The following A2M variants were observed in gnomAD, a reference collection of about 807,000 sequenced individuals.
A2M encodes the protein alpha-2-macroglobulin, also known as C3 and PZP-like alpha-2-macroglobulin domain-containing protein 5.
In A2M, 128 loss-of-function variants were observed where a neutral mutation model predicts 183.9. That is an observed-to-expected ratio of 0.70 (90% CI 0.60 to 0.81). The LOEUF is 0.81. A2M is among the 30% of genes least tolerant of loss of function. The probability of loss-of-function intolerance (pLI) is 0.00; values close to 1 mark genes in which losing one functional copy is unlikely to be tolerated. For missense variants in A2M, 1,495 were observed against 1,787.6 expected (o/e 0.84, Z 2.95); for synonymous variants, 592 against 670.8 (o/e 0.88, Z 1.81).
intron 14 of A2M, among the ~76,000 whole-genome samples, chr12:9,099,129 A>G (rs1949474869): frequency 6.6e-6 from 1 of 152,134 alleles, no homozygotes; most frequent in African/African-American, 2.4e-5. Flanking sequence ...CCAACGTTTC[A>G]TCATAGAAGA....
chr12:9,101,456 G>C lies in A2M; in HGVS notation c.1485C>G (p.Phe495Leu). 6.2e-7 allele frequency: 1 copy of C among 1,613,202 alleles called. No individual in the cohort carries two copies. The highest frequency in any genetic ancestry group is 8.5e-7 in the Non-Finnish European group (1 of 1,179,442). ...TAACCTCCCTTCTCACCAGATAATA[G>C]AAGGAGAGCTTCTTCAGCCCCAGCA... ...GTLLGLKKLS[F>L]YYLIMAKGGI... The change falls in exon 12 of 36, where the codon TTC becomes TTG. Residue 495 changes from phenylalanine to leucine, a missense_variant. Coordinates refer to ENST00000318602, the MANE Select transcript of A2M (RefSeq NM_000014.6).
At chr12:9,107,478 C>A (rs1252811022) in intron 8 of A2M, 46 bp downstream of exon 8, 1 of 1,602,518 alleles carries the variant, frequency 6.2e-7, no homozygotes, top group Non-Finnish European at 8.5e-7. Flanking sequence ...TGCTTTTCAA[C>A]AATGCCTTTA....
In A2M at chr12:9,101,426, C is replaced by T. The variant is rs372047902; in HGVS notation, c.1494+21G>A. On this transcript the variant is annotated intron_variant, in intron 12 of 35. Coordinates refer to ENST00000318602, the MANE Select transcript of A2M (RefSeq NM_000014.6). Reference sequence around the variant, plus strand: ...GAGCTTTTGTCTACAGTGAAGTCAACGCAGTAACCTCCCTTCTCACCAGAT... The same window carrying T: ...GAGCTTTTGTCTACAGTGAAGTCAATGCAGTAACCTCCCTTCTCACCAGAT... The T allele has an allele frequency of 7.5e-5, 119 of 1,595,018 alleles. 1 individual carries two copies. In the South Asian group the frequency reaches 8.1e-4, roughly 11 times the overall value.
At chr12:9,109,117 A>G (rs1351221324) in intron 7 of A2M, among the ~76,000 whole-genome samples, 2 of 152,116 alleles carry the variant, frequency 1.3e-5, no homozygotes, top group African/African-American at 2.4e-5. Flanking sequence ...TTCTTACCTC[A>G]TGATAGAATA....
At chr12:9,084,120 T>G (rs1369805214) in intron 22 of A2M, among the ~76,000 whole-genome samples, 1 of 151,896 alleles carries the variant, frequency 6.6e-6, no homozygotes, top group African/African-American at 2.4e-5. Context: ...GAGGGAGAAA[T>G]AAAACATTCC....
At chr12:9,106,696 G>C (rs1326461426) in intron 8 of A2M, 91 bp from the exon 9 acceptor site, 5 of 602,486 alleles carry the variant, frequency 8.3e-6, no homozygotes, top group Non-Finnish European at 1.5e-5. Context: ...TTTGTGGGGG[G>C]ACAACATCAT....
chr12:9,101,037 C>G, intron 13 of A2M, 107 bp downstream of exon 13: 1 of 1,017,102 alleles, frequency 9.8e-7, no homozygotes, highest in Non-Finnish European at 1.4e-6. Context: ...ACCACCTGTT[C>G]CCCCAAAAAC....
chr12:9,099,382 T>C lies in A2M; in HGVS notation c.1700A>G (p.Lys567Arg). 3 of 1,554,856 alleles carry C rather than the reference T, an allele frequency of 1.9e-6. No homozygotes were observed. The highest frequency in any genetic ancestry group is 2.6e-6 in the Non-Finnish European group (3 of 1,148,562). The part of the protein sequence containing the change: ...KYDVENCLAN[K>R]VDLSFSPSQS... ...GATTTTATGATCTAAAACACACACCTTGTTGGCCAGACAATTTTCAACATC... is the reference window on the plus strand; with the variant it reads ...GATTTTATGATCTAAAACACACACCCTGTTGGCCAGACAATTTTCAACATC... Residue 567 changes from lysine to arginine, a missense_variant and splice_region_variant, in exon 14 of 36, where the codon AAG becomes AGG. Transcript: ENST00000318602.
In A2M at chr12:9,115,834, G is replaced by T. The variant is rs372876866; in HGVS notation, c.16C>A (p.Leu6Ile). The change falls in exon 1 of 36, where the codon CTC (leucine) becomes ATC (isoleucine). Residue 6 changes from leucine (L) to isoleucine (I), a missense_variant. By Grantham distance (5) the Leu-to-Ile change is conservative. Coordinates refer to ENST00000318602, the MANE Select transcript of A2M (RefSeq NM_000014.6). Reference sequence around the variant, plus strand: ...AGAAGAACCAGACTTGGATGAAGGAGTTTGTTCTTCCCCATGTTGCAGAAA... The same window carrying T: ...AGAAGAACCAGACTTGGATGAAGGATTTTGTTCTTCCCCATGTTGCAGAAA... The part of the protein sequence containing the change: MGKNK[L>I]LHPSLVLLLL... 7 of 1,613,312 alleles carry T rather than the reference G, an allele frequency of 4.3e-6. No homozygotes were observed. Among genetic ancestry groups the T allele is most frequent in the Non-Finnish European group, 5.9e-6 (7 of 1,179,340 alleles).
intron 13 of A2M, among the ~76,000 whole-genome samples, chr12:9,100,182 C>G (rs144084000): frequency 0.01 from 1,555 of 152,168 alleles, 17 homozygotes; most frequent in Non-Finnish European, 0.015. Context: ...CAATTTAATG[C>G]TTCATAAATC....
rs35946318 is a variant in A2M at position 9,098,449 on chromosome 12, T to TAA, written c.1851+156_1851+157dup. 2,812 of 379,882 alleles carry TAA rather than the reference T, an allele frequency of 7.4e-3. 53 individuals carry two copies. The highest frequency in any genetic ancestry group is 0.048 in the African/African-American group (2,045 of 42,898). 23.5% of individuals were successfully genotyped at this position (379,882 alleles called of 1,614,324 possible). On this transcript the variant is annotated intron_variant, in intron 15 of 35. Transcript: ENST00000318602. ...GAGTAGTTATATATATATATATATATAATTCCTTACCAATGAAAGCCCACA... is the reference window on the plus strand; with the variant it reads ...GAGTAGTTATATATATATATATATATAAAATTCCTTACCAATGAAAGCCCACA...
chr12:9,074,872 A>C (rs1948693725), intron 28 of A2M, 89 bp from the exon 29 acceptor site: 4 of 1,290,740 alleles, frequency 3.1e-6, no homozygotes, highest in Non-Finnish European at 4.3e-6. Flanking sequence ...TGAAATGAGA[A>C]TTGCATGCCC....
intron 17 of A2M, 80 bp downstream of exon 17, chr12:9,094,893 T>G (rs1473927195): frequency 7.2e-6 from 5 of 696,064 alleles, no homozygotes; most frequent in African/African-American, 1.8e-5. Flanking sequence ...TTTGTTAATT[T>G]TTGTCACATT....
intron 34 of A2M, 116 bp from the exon 35 acceptor site, chr12:9,068,340 T>C (rs192540047): frequency 9.4e-5 from 98 of 1,037,762 alleles, no homozygotes; most frequent in East Asian, 4.1e-4. Flanking sequence ...AACAGTATTG[T>C]ACCAGAAACA....
chr12:9,098,352 T>G, intron 15 of A2M: 2 of 195,670 alleles, frequency 1.0e-5, no homozygotes, highest in Non-Finnish European at 1.0e-5. Context: ...TTTCATCACA[T>G]TTTGTCCTTT....
chr12:9,071,402 C>CAT (rs962958678), intron 31 of A2M, among the ~76,000 whole-genome samples: 3 of 151,604 alleles, frequency 2.0e-5, no homozygotes, highest in African/African-American at 7.3e-5. Context: ...TATTTTTTGG[C>CAT]ATATATATAC....
At position 9,115,907 on chromosome 12, in the gene A2M, T is replaced by C. The variant is rs780553476; in HGVS notation, c.-58A>G. The C allele has an allele frequency of 3.3e-5, 47 of 1,423,454 alleles. No homozygotes were observed. Among genetic ancestry groups the C allele is most frequent in the Non-Finnish European group, 3.9e-5 (39 of 1,008,204 alleles). 88.2% of individuals were successfully genotyped at this position (1,423,454 alleles called of 1,614,324 possible). ...CTGTATTGTACCCTACTCCCTACAATCCATCTGGTCCCAAACACTTCCCAA... is the reference window on the plus strand; with the variant it reads ...CTGTATTGTACCCTACTCCCTACAACCCATCTGGTCCCAAACACTTCCCAA... On this transcript the variant is annotated 5_prime_UTR_variant, in exon 1 of 36. Coordinates refer to ENST00000318602, the MANE Select transcript of A2M (RefSeq NM_000014.6).
At chr12:9,111,051 C>T (rs226384) in intron 4 of A2M, among the ~76,000 whole-genome samples, 50,966 of 151,800 alleles carry the variant, frequency 0.34, 8,976 homozygotes, top group Admixed American at 0.37. Context: ...AGAATTCTTA[C>T]GTAGTTCTAA....
At chr12:9,116,096 A>G (rs17201863), upstream of A2M, 15 of 478,724 alleles carry the variant, frequency 3.1e-5, no homozygotes, top group Admixed American at 4.5e-4. Context: ...CTGGAGGGCT[A>G]AAACTACATT....
Sources: gnomAD v4.1 joint callset for allele counts (sites outside exome capture counted in the v4.1 genomes callset) on GRCh38, gnomAD v4.1.1 for gene constraint, MANE v1.5 for transcripts, NCBI Gene and HGNC (gene_info 2026-07-23, HGNC 2026-07-21) for gene names.